ZNF91: variants seen among roughly 807,000 people sequenced by gnomAD.
The protein encoded by ZNF91 is zinc finger protein 91 (HPF7, HTF10).
ZNF91 carries 7 observed loss-of-function variants against 12.6 expected under a neutral mutation model. The observed-to-expected ratio is 0.55, with a 90% CI of 0.31 to 1.04. The LOEUF (loss-of-function observed/expected upper bound fraction) is 1.04. Among genes scored for constraint, ZNF91 ranks in the 50% least tolerant of loss-of-function variants. The probability of loss-of-function intolerance (pLI) is 0.05; values close to 1 mark genes in which losing one functional copy is unlikely to be tolerated. For missense variants in ZNF91, 1,217 were observed against 1,385.4 expected (o/e 0.88, Z 1.93); for synonymous variants, 453 against 462.6 (o/e 0.98, Z 0.27).
chr19:23,356,186 A>G (rs535691066), downstream of ZNF91, among the ~76,000 whole-genome samples: 7 of 152,334 alleles, frequency 4.6e-5, no homozygotes, highest in South Asian at 1.5e-3. Flanking sequence ...CCAGAGAAAA[A>G]GAAATGATTA....
chr19:23,349,455 T>A (rs1469434701), intron 3 of ZNF91, among the ~76,000 whole-genome samples: 2 of 152,188 alleles, frequency 1.3e-5, no homozygotes, highest in Non-Finnish European at 2.9e-5. Context: ...CAAACTTTTG[T>A]CTTGGGGCCT....
intron 1 of ZNF91, 131 bp downstream of exon 1, chr19:23,395,194 C>G: frequency 8.6e-7 from 1 of 1,164,978 alleles, no homozygotes; most frequent in Non-Finnish European, 1.2e-6. Flanking sequence ...TGAGGCCGAG[C>G]TGGGCAAGGA....
At chr19:23,371,326 C>A (rs1189127862) in intron 3 of ZNF91, among the ~76,000 whole-genome samples, 1 of 150,944 alleles carries the variant, frequency 6.6e-6, no homozygotes, top group Admixed American at 6.6e-5. Flanking sequence ...GCCTCAGCAA[C>A]AAGAGCAAAA....
At chr19:23,340,313 A>C (rs756011625) in intron 3 of ZNF91, among the ~76,000 whole-genome samples, 3 of 152,200 alleles carry the variant, frequency 2.0e-5, no homozygotes, top group Non-Finnish European at 4.4e-5. Flanking sequence ...TAGAATAGAA[A>C]TCTAAATAAA....
At chr19:23,329,547 ATC>A (rs1967891453) in intron 1 of ZNF91, among the ~76,000 whole-genome samples, 1 of 152,220 alleles carries the variant, frequency 6.6e-6, no homozygotes. Flanking sequence ...GTTGCTGTTT[ATC>A]TACTGGATGC....
intron 1 of ZNF91, among the ~76,000 whole-genome samples, chr19:23,322,210 C>T (rs1344376404): frequency 6.6e-6 from 1 of 152,196 alleles, no homozygotes; most frequent in Non-Finnish European, 1.5e-5. Context: ...AGGCATTGTG[C>T]CATATCTCTG....
In ZNF91 at chr19:23,322,758, GCTC is replaced by G. The variant is rs761560605; in HGVS notation, n.117-13664_117-13662del. 8.9e-4 allele frequency among the ~76,000 whole-genome samples: 117 copies of G among 132,008 alleles called. 3 individuals are homozygous for G. The highest frequency in any genetic ancestry group is 3.1e-3 in the African/African-American group (107 of 34,128). The allele number at this position is 132,008 out of a possible 152,430, so 86.6% of individuals were successfully genotyped here. A position where few individuals can be genotyped will look rare whatever the true frequency, so the allele number is the denominator to read the frequency against. ...TCTTCCTCCCCATTCATGTTCTCCT[GCTC>G]CTTTTTCTTTCTCCCCTCTTCTTCC... On this transcript the variant is annotated intron_variant and non_coding_transcript_variant, in intron 1 of 1. Transcript: ENST00000596528.
At chr19:23,346,228 T>A (rs1337470896) in intron 3 of ZNF91, among the ~76,000 whole-genome samples, 1 of 152,142 alleles carries the variant, frequency 6.6e-6, no homozygotes, top group Non-Finnish European at 1.5e-5. Flanking sequence ...TAACTTGGCA[T>A]GACCTCTACA....
Position 23,360,342 on chromosome 19 carries a change from C to T in ZNF91, c.2637G>A (p.Glu879=). The T allele has an allele frequency of 2.5e-6, 4 of 1,613,962 alleles. No homozygotes were observed. Among genetic ancestry groups the T allele is most frequent in the Non-Finnish European group, 3.4e-6 (4 of 1,179,982 alleles). ...LTTHKIIHTK[E]KPSKSEECDK... ...CACATTCTTCACTCTTGGAAGGTTT[C>T]TCTTTAGTATGAATTATCTTATGTG... The change falls in exon 4 of 4, where the codon GAG becomes GAA. Residue 879 remains glutamate, a synonymous_variant. Transcript: ENST00000300619.
intron 1 of ZNF91, chr19:23,329,013 T>C (rs911694755): frequency 1.3e-5 from 2 of 152,268 alleles, no homozygotes; most frequent in African/African-American, 2.4e-5. Context: ...TTAAAAATTA[T>C]GTACCTGGCA....
chr19:23,321,526 C>T (rs1387459281), intron 1 of ZNF91, among the ~76,000 whole-genome samples: 1 of 152,074 alleles, frequency 6.6e-6, no homozygotes, highest in African/African-American at 2.4e-5. Context: ...GGGCTCAGCA[C>T]CTAGCTCATG....
At chr19:23,378,047 A>G (rs1316330834) in intron 1 of ZNF91, among the ~76,000 whole-genome samples, 2 of 152,210 alleles carry the variant, frequency 1.3e-5, no homozygotes, top group African/African-American at 4.8e-5. Context: ...ATTTAGATGA[A>G]TTATTATGTT....
At chr19:23,367,607 AAAAC>A (rs1446776627) in intron 3 of ZNF91, among the ~76,000 whole-genome samples, 2 of 152,308 alleles carry the variant, frequency 1.3e-5, no homozygotes, top group African/African-American at 2.4e-5. Context: ...CCATGGAAAA[AAAAC>A]AAAGGCATTA....
At chr19:23,342,224 G>A in intron 3 of ZNF91, 1 of 545,040 alleles carries the variant, frequency 1.8e-6, no homozygotes, top group Non-Finnish European at 3.4e-6. Flanking sequence ...TCTTTTATTT[G>A]CTCAAAGCAG....
In ZNF91 at chr19:23,352,168, C is replaced by T. The variant is rs543296054; in HGVS notation, c.254-13114G>A. 2.4e-4 allele frequency among the ~76,000 whole-genome samples: 36 copies of T among 152,284 alleles called. No individual in the cohort carries two copies. The South Asian group carries it at 7.5e-3, about 32-fold the overall frequency. ...GAAATTTTCAAGCCCAACTTGCCCTCCACCTGGAAACAGACTCGGGGCTGT... is the reference window on the plus strand; with the variant it reads ...GAAATTTTCAAGCCCAACTTGCCCTTCACCTGGAAACAGACTCGGGGCTGT... On this transcript the variant is annotated intron_variant, in intron 3 of 3. Transcript: ENST00000599743.
At chr19:23,335,334 C>CACT (rs1967985948), downstream of ZNF91, among the ~76,000 whole-genome samples, 1 of 152,176 alleles carries the variant, frequency 6.6e-6, no homozygotes, top group Non-Finnish European at 1.5e-5. Context: ...CTGGGAGAAC[C>CACT]ACTACTCTCT....
intron 3 of ZNF91, among the ~76,000 whole-genome samples, chr19:23,342,856 G>C (rs1968152673): frequency 6.6e-6 from 1 of 151,726 alleles, no homozygotes; most frequent in Admixed American, 6.6e-5. Flanking sequence ...CTCCTCTTGA[G>C]AGAATTCTAT....
At chr19:23,329,233 T>C (rs962674419) in intron 1 of ZNF91, 2 of 152,184 alleles carry the variant, frequency 1.3e-5, no homozygotes, top group African/African-American at 4.8e-5. Flanking sequence ...GTTAAGAGTG[T>C]TGAAGTTTGT....
chr19:23,318,081 A>G (rs1448932198), intron 1 of ZNF91, among the ~76,000 whole-genome samples: 1 of 152,214 alleles, frequency 6.6e-6, no homozygotes, highest in Non-Finnish European at 1.5e-5. Flanking sequence ...GGCACCGCCC[A>G]CAGACAGCAC....
Sources: allele counts gnomAD v4.1 joint callset (sites outside exome capture counted in the v4.1 genomes callset), GRCh38; gene constraint gnomAD v4.1.1; transcripts MANE v1.5; gene names NCBI Gene and HGNC (gene_info 2026-07-23, HGNC 2026-07-21).